Variants in VPS13D observed in about 807,000 individuals in gnomAD.
VPS13D encodes the protein vacuolar protein sorting 13 homolog D, also known as intermembrane lipid transfer protein VPS13D.
Under a neutral mutation model 461.9 loss-of-function variants are expected in VPS13D, and 187 were observed. The observed-to-expected ratio is 0.40, with a 90% confidence interval of 0.36 to 0.46. VPS13D has a LOEUF of 0.46. Ranked by LOEUF, VPS13D falls within the 20% of genes least tolerant of loss-of-function variation. The pLI, the probability that VPS13D is intolerant of heterozygous loss-of-function variation, is 0.60. For missense variants in VPS13D, 4,711 were observed against 5,364.9 expected (o/e 0.88, Z 3.81); for synonymous variants, 1,951 against 1,986.3 (o/e 0.98, Z 0.47).
intron 67 of VPS13D, among the ~76,000 whole-genome samples, chr1:12,474,747 C>T (rs549133344): frequency 6.6e-6 from 1 of 152,262 alleles, no homozygotes; most frequent in South Asian, 2.1e-4. Context: ...TGTCCTAATT[C>T]CCGAAATTTA....
chr1:12,304,107 T>C (rs1408305560), intron 25 of VPS13D, among the ~76,000 whole-genome samples: 1 of 152,200 alleles, frequency 6.6e-6, no homozygotes, highest in Non-Finnish European at 1.5e-5. Flanking sequence ...TGTCTTTTCT[T>C]AAAACAATAT....
In VPS13D at chr1:12,475,004, A is replaced by G. The variant is rs193223348; in HGVS notation, c.12662+14608A>G. ...TCATGGGATTTTATTCTTTTTCCCA[A>G]AGGCAGTGGTGGAGCTGACAGAGTA... is the stretch of plus-strand genomic sequence containing the variant. On this transcript the variant is annotated intron_variant, in intron 67 of 69. Transcript: ENST00000620676. Among the ~76,000 whole-genome samples, 281 of 152,210 alleles carry G rather than the reference A, an allele frequency of 1.8e-3. 4 individuals carry two copies. Among genetic ancestry groups the G allele is most frequent in the African/African-American group, 6.5e-3 (272 of 41,536 alleles).
chr1:12,508,750 G>A lies in VPS13D; in HGVS notation c.13036-143G>A, dbSNP rs561067127. The A allele has an allele frequency of 1.6e-5, 14 of 862,482 alleles. No individual in the cohort carries two copies. In the African/African-American group the frequency reaches 2.4e-4, roughly 15 times the overall value. 53.4% of individuals were successfully genotyped at this position (862,482 alleles called of 1,614,324 possible). A position where few individuals can be genotyped will look rare whatever the true frequency, so the allele number is the denominator to read the frequency against. On this transcript the variant is annotated intron_variant, in intron 69 of 69. Coordinates refer to ENST00000620676, the MANE Select transcript of VPS13D (RefSeq NM_015378.4). ...AGACTTGTGAGTGCGAGTGAAGCAG[G>A]AGCAGCCCTGGCCATCACTGTTTCT... is the stretch of plus-strand genomic sequence containing the variant.
intron 43 of VPS13D, among the ~76,000 whole-genome samples, chr1:12,346,272 AAAAAACAAAAAC>A (rs754593857): frequency 1.3e-5 from 2 of 152,188 alleles, no homozygotes; most frequent in Admixed American, 1.3e-4. Flanking sequence ...GTTTCTTACA[AAAAAACAAAAAC>A]AAAAACAAAA....
At chr1:12,446,376 C>A (rs1186006492) in intron 65 of VPS13D, among the ~76,000 whole-genome samples, 2 of 150,988 alleles carry the variant, frequency 1.3e-5, no homozygotes, top group Non-Finnish European at 2.9e-5. Context: ...AAGATCATGC[C>A]ACTGCACTCC....
At chr1:12,346,167 G>A (rs1372336177) in intron 43 of VPS13D, among the ~76,000 whole-genome samples, 1 of 152,204 alleles carries the variant, frequency 6.6e-6, no homozygotes, top group African/African-American at 2.4e-5. Context: ...TGGAAATGCA[G>A]ACGTGCAGAG....
intron 65 of VPS13D, among the ~76,000 whole-genome samples, chr1:12,430,260 C>G (rs1468796822): frequency 6.6e-6 from 1 of 152,182 alleles, no homozygotes; most frequent in Non-Finnish European, 1.5e-5. Flanking sequence ...ACTATTTGAT[C>G]TTCACAAACT....
intron 16 of VPS13D, among the ~76,000 whole-genome samples, chr1:12,269,759 C>G (rs1400880978): frequency 1.3e-5 from 2 of 152,170 alleles, no homozygotes; most frequent in Non-Finnish European, 2.9e-5. Flanking sequence ...CCCTTTATTA[C>G]AATGAATCTG....
At chr1:12,406,107 G>A (rs1644650629) in intron 63 of VPS13D, among the ~76,000 whole-genome samples, 1 of 152,218 alleles carries the variant, frequency 6.6e-6, no homozygotes, top group African/African-American at 2.4e-5. Flanking sequence ...GAGCAGCCAT[G>A]TGATGAGGTG....
intron 65 of VPS13D, among the ~76,000 whole-genome samples, chr1:12,431,169 A>G (rs1361165258): frequency 6.6e-6 from 1 of 152,206 alleles, no homozygotes; most frequent in Non-Finnish European, 1.5e-5. Context: ...ACTTTTGCCT[A>G]TTTAACCCCA....
intron 6 of VPS13D, among the ~76,000 whole-genome samples, chr1:12,252,062 A>C (rs948692462): frequency 6.6e-6 from 1 of 152,060 alleles, no homozygotes; most frequent in South Asian, 2.1e-4. Flanking sequence ...CTCCGTCTTC[A>C]TGTGGCCTTC....
At chr1:12,240,189 A>T (rs1397018170) in intron 2 of VPS13D, among the ~76,000 whole-genome samples, 3 of 151,758 alleles carry the variant, frequency 2.0e-5, no homozygotes, top group Non-Finnish European at 4.4e-5. Flanking sequence ...CTTCAGCTTT[A>T]ATTTTTCGTG....
At position 12,449,668 on chromosome 1, in the gene VPS13D, G is replaced by A. The variant is rs76660514; in HGVS notation, c.12334-6330G>A. Among the ~76,000 whole-genome samples, 681 of 152,224 alleles carry A rather than the reference G, an allele frequency of 4.5e-3. 5 individuals are homozygous for A. The highest frequency in any genetic ancestry group is 0.015 in the African/African-American group (609 of 41,540). On this transcript the variant is annotated intron_variant, in intron 65 of 69. Coordinates refer to ENST00000620676, the MANE Select transcript of VPS13D (RefSeq NM_015378.4). ...AAGACTTTCGTTTTGAAGTGACTTA[G>A]GTCTTACATGACTCAAAGATGGTTT... is the stretch of plus-strand genomic sequence containing the variant.
At chr1:12,301,413 C>T (rs9659728) in intron 25 of VPS13D, among the ~76,000 whole-genome samples, 4,058 of 152,254 alleles carry the variant, frequency 0.027, 195 homozygotes, top group African/African-American at 0.091. Flanking sequence ...TATAGTGGCT[C>T]ATAGAACTCA....
At chr1:12,361,399 A>T (rs60897426) in intron 50 of VPS13D, among the ~76,000 whole-genome samples, 7,980 of 140,352 alleles carry the variant, frequency 0.057, 347 homozygotes, top group South Asian at 0.096. Flanking sequence ...TTATTTATTT[A>T]TTTATTTTTT....
At chr1:12,496,802 G>A (rs1006464443) in intron 67 of VPS13D, among the ~76,000 whole-genome samples, 1 of 152,222 alleles carries the variant, frequency 6.6e-6, no homozygotes, top group African/African-American at 2.4e-5. Context: ...CCGGGCCGCC[G>A]ACAGCTGAGT....
In VPS13D at chr1:12,279,477, C is replaced by G; in HGVS notation, c.4451-22C>G. On this transcript the variant is annotated intron_variant, in intron 19 of 69. Transcript: ENST00000620676. The surrounding 1 kb of genome is among the most constrained non-coding windows in gnomAD (Gnocchi z 4.3). ...GTAAATATTAAGGTTTATGGTCTAT[C>G]ATTTCATCTCTTTTATGCCAGCTTT... 6.3e-7 allele frequency: 1 copy of G among 1,576,844 alleles called. No homozygotes were observed. The highest frequency in any genetic ancestry group is 8.7e-7 in the Non-Finnish European group (1 of 1,155,104).
At chr1:12,437,197 G>A (rs1316057976) in intron 65 of VPS13D, among the ~76,000 whole-genome samples, 1 of 152,162 alleles carries the variant, frequency 6.6e-6, no homozygotes, top group East Asian at 1.9e-4. Context: ...TGACCAGAGT[G>A]ACTCAGTCTA....
intron 49 of VPS13D, 143 bp downstream of exon 49, chr1:12,356,667 T>C (rs1643888433): frequency 7.7e-6 from 8 of 1,042,594 alleles, no homozygotes; most frequent in Non-Finnish European, 1.0e-5. Flanking sequence ...CATGACCTAA[T>C]GGGATTTTTG....
Sources: gnomAD v4.1 joint callset for allele counts (sites outside exome capture counted in the v4.1 genomes callset) on GRCh38, gnomAD v4.1.1 for gene constraint, Gnocchi (gnomAD v3.1) non-coding constraint, MANE v1.5 for transcripts, NCBI Gene and HGNC (gene_info 2026-07-23, HGNC 2026-07-21) for gene names.